The following PPFIBP2 variants were observed in gnomAD, a reference collection of about 807,000 sequenced individuals.
The protein encoded by PPFIBP2 is PPFIB scaffold protein 2.
In PPFIBP2, 118 loss-of-function variants were observed where a neutral mutation model predicts 118.3. The ratio of observed to expected loss-of-function variants is 1.00; its 90% CI spans 0.86 to 1.16. The LOEUF (loss-of-function observed/expected upper bound fraction) is 1.16, where lower values mean the gene tolerates loss of function less well. Among genes scored for constraint, PPFIBP2 ranks in the 50% most tolerant of loss-of-function variants. The pLI, the probability that PPFIBP2 is intolerant of heterozygous loss-of-function variation, is 0.00. For synonymous variants in PPFIBP2, 414 were observed against 397.4 expected (o/e 1.04, Z -0.50); for missense variants, 1,195 against 1,073.1 (o/e 1.11, Z -1.59).
chr11:7,636,700 A>G (rs1851500236), intron 14 of PPFIBP2, among the ~76,000 whole-genome samples: 1 of 152,218 alleles, frequency 6.6e-6, no homozygotes, highest in Admixed American at 6.5e-5. Context: ...CAATTTGATT[A>G]CCAAGAAATA....
At chr11:7,594,212 AC>A (rs1317780547) in intron 4 of PPFIBP2, among the ~76,000 whole-genome samples, 1 of 151,978 alleles carries the variant, frequency 6.6e-6, no homozygotes, top group Non-Finnish European at 1.5e-5. Flanking sequence ...GATTTTAAAA[AC>A]CTTTAAAATT....
intron 5 of PPFIBP2, 107 bp from the exon 6 acceptor site, chr11:7,610,184 G>A (rs1329904827): frequency 1.5e-6 from 2 of 1,367,624 alleles, no homozygotes; most frequent in South Asian, 2.5e-5. Context: ...TCAATTCTGT[G>A]TTGTTGAACA....
intron 10 of PPFIBP2, 25 bp from the exon 11 acceptor site, chr11:7,630,900 A>G: frequency 1.3e-6 from 2 of 1,536,712 alleles, no homozygotes; most frequent in Non-Finnish European, 1.8e-6. Context: ...TCAACAATTC[A>G]GTCTTACTAC....
chr11:7,609,105 C>T (rs993454447), intron 5 of PPFIBP2, among the ~76,000 whole-genome samples: 23 of 152,178 alleles, frequency 1.5e-4, no homozygotes, highest in African/African-American at 5.5e-4. Flanking sequence ...GGCTGTTGCC[C>T]AGCCTGTTGG....
Position 7,525,040 on chromosome 11 carries a change from G to A in PPFIBP2, c.-37+10919G>A, listed in dbSNP as rs182429312. ...GCTCACTGGTGCGGCACAATGCCCC[G>A]GGCAGGGATTATTGTTCTGCTTGTG... On this transcript the variant is annotated intron_variant, in intron 1 of 23. Transcript: ENST00000299492. Among the ~76,000 whole-genome samples the A allele has an allele frequency of 3.1e-3, 471 of 152,216 alleles. 2 individuals are homozygous for A. Among genetic ancestry groups the A allele is most frequent in the Middle Eastern group, 0.01 (3 of 294 alleles).
At chr11:7,588,933 G>C (rs1858714721) in intron 3 of PPFIBP2, among the ~76,000 whole-genome samples, 1 of 152,186 alleles carries the variant, frequency 6.6e-6, no homozygotes, top group Admixed American at 6.5e-5. Context: ...GGAGTTAACA[G>C]TTCTCCACAG....
At chr11:7,606,311 A>T (rs766818292) in intron 5 of PPFIBP2, among the ~76,000 whole-genome samples, 12 of 152,232 alleles carry the variant, frequency 7.9e-5, no homozygotes, top group African/African-American at 2.4e-4. Context: ...GCAATTGAGG[A>T]TGTAGGATAA....
chr11:7,581,845 T>G (rs1216554566), intron 3 of PPFIBP2, among the ~76,000 whole-genome samples: 2 of 152,122 alleles, frequency 1.3e-5, no homozygotes, highest in Admixed American at 1.3e-4. Context: ...AGATAGATTT[T>G]TTTTTTTTTG....
intron 17 of PPFIBP2, among the ~76,000 whole-genome samples, chr11:7,646,792 C>G (rs1261644229): frequency 6.6e-6 from 1 of 152,122 alleles, no homozygotes; most frequent in East Asian, 1.9e-4. Context: ...AACAAATACC[C>G]TGTCTCAAAA....
intron 2 of PPFIBP2, among the ~76,000 whole-genome samples, chr11:7,558,050 A>G (rs1430462341): frequency 1.3e-5 from 2 of 152,244 alleles, no homozygotes; most frequent in African/African-American, 2.4e-5. Flanking sequence ...TACAAAATAT[A>G]TATTTTGCAT....
chr11:7,650,236 A>T (rs999698143), intron 21 of PPFIBP2, among the ~76,000 whole-genome samples: 1 of 152,166 alleles, frequency 6.6e-6, no homozygotes, highest in Non-Finnish European at 1.5e-5. Context: ...GTCACATCCT[A>T]TCTCCTCTGT....
intron 7 of PPFIBP2, among the ~76,000 whole-genome samples, chr11:7,622,127 G>A (rs995958605): frequency 1.3e-5 from 2 of 152,240 alleles, no homozygotes; most frequent in Non-Finnish European, 2.9e-5. Context: ...TTTACAGGAA[G>A]CATGGTGGTC....
At chr11:7,599,791 C>T (rs903882276) in intron 5 of PPFIBP2, among the ~76,000 whole-genome samples, 22 of 141,360 alleles carry the variant, frequency 1.6e-4, no homozygotes, top group African/African-American at 3.8e-4. Flanking sequence ...CCACCACGCC[C>T]GGCTAATTTT....
chr11:7,651,833 G>T lies in PPFIBP2; in HGVS notation c.2425G>T (p.Ala809Ser). 6.2e-7 allele frequency: 1 copy of T among 1,610,520 alleles called. No homozygotes were observed. Among genetic ancestry groups the T allele is most frequent in the Non-Finnish European group, 8.5e-7 (1 of 1,177,200 alleles). The change falls in exon 23 of 24, where the codon GCC becomes TCC. Residue 809 changes from alanine (A) to serine (S), a missense_variant. Physicochemically the swap from Ala to Ser is moderately conservative, Grantham distance 99. Transcript: ENST00000299492. ...AGCTTACACACCACTGACCACCACA[G>T]CCAAAGTCCGGGTGAGTTGCAGAGC... ...SPAYTPLTTTAKVRPRKLGFS... is the reference protein window; with the variant it reads ...SPAYTPLTTTSKVRPRKLGFS...
intron 1 of PPFIBP2, among the ~76,000 whole-genome samples, chr11:7,525,448 A>C (rs1012154429): frequency 1.3e-5 from 2 of 152,230 alleles, no homozygotes; most frequent in Admixed American, 1.3e-4. Flanking sequence ...TAGATCATCC[A>C]GAGGGCTTAT....
chr11:7,651,740 A>C lies in PPFIBP2; in HGVS notation c.2332A>C (p.Thr778Pro). Residue 778 changes from threonine (T) to proline (P), a missense_variant, in exon 23 of 24, where the codon ACC becomes CCC. Physicochemically the swap from Thr to Pro is conservative, Grantham distance 38 (BLOSUM62 -1). Coordinates refer to ENST00000299492, the MANE Select transcript of PPFIBP2 (RefSeq NM_003621.5). Reference sequence around the variant, plus strand: ...AAAGACGCTCCTCAGGCGCCACCTGACCACCAAGTTCAATGCCTTGATTGG... The same window carrying C: ...AAAGACGCTCCTCAGGCGCCACCTGCCCACCAAGTTCAATGCCTTGATTGG... ...PQKTLLRRHL[T>P]TKFNALIGPE... is the part of the protein sequence containing the mutation. 1 of 1,614,088 alleles carries C rather than the reference A, an allele frequency of 6.2e-7. No homozygotes were observed. Among genetic ancestry groups the C allele is most frequent in the Non-Finnish European group, 8.5e-7 (1 of 1,179,950 alleles).
intron 3 of PPFIBP2, among the ~76,000 whole-genome samples, chr11:7,573,038 C>T (rs1205740747): frequency 1.3e-5 from 2 of 152,158 alleles, no homozygotes; most frequent in Non-Finnish European, 2.9e-5. Context: ...CCTCAGCCTC[C>T]GAAAGTGCTG....
intron 3 of PPFIBP2, among the ~76,000 whole-genome samples, chr11:7,579,235 C>G (rs1036358544): frequency 6.6e-6 from 1 of 152,178 alleles, no homozygotes; most frequent in Admixed American, 6.5e-5. Flanking sequence ...AGTGTCATAG[C>G]TATTAGTGGT....
At chr11:7,585,956 A>G (rs59531336) in intron 3 of PPFIBP2, among the ~76,000 whole-genome samples, 4,191 of 152,342 alleles carry the variant, frequency 0.028, 192 homozygotes, top group African/African-American at 0.095. Context: ...AGCACATAAT[A>G]CTTAGAGTAC....
Sources: allele counts gnomAD v4.1 joint callset (sites outside exome capture counted in the v4.1 genomes callset), GRCh38; gene constraint gnomAD v4.1.1; transcripts MANE v1.5; gene names NCBI Gene and HGNC (gene_info 2026-07-23, HGNC 2026-07-21).